Variants in CREB5 observed in about 807,000 individuals in gnomAD.
CREB5 encodes cAMP responsive element binding protein 5.
CREB5 carries 19 observed loss-of-function variants against 57.1 expected under a neutral mutation model. That is an observed-to-expected ratio of 0.33 (90% CI 0.23 to 0.49). The LOEUF is 0.49. CREB5 is among the 20% of genes least tolerant of loss of function. The probability of loss-of-function intolerance (pLI) is 0.99; values close to 1 mark genes in which losing one functional copy is unlikely to be tolerated. For missense variants in CREB5, 579 were observed against 671.6 expected (o/e 0.86, Z 1.52); for synonymous variants, 238 against 238.3 (o/e 1.00, Z 0.01).
At chr7:28,757,758 G>A (rs1339601480) in intron 7 of CREB5, among the ~76,000 whole-genome samples, 1 of 151,988 alleles carries the variant, frequency 6.6e-6, no homozygotes, top group African/African-American at 2.4e-5. Flanking sequence ...CCTAAATGCT[G>A]GGGACCAGAA....
At position 28,412,682 on chromosome 7, in the gene CREB5, CAG is replaced by C. The variant is rs995851184; in HGVS notation, c.-230_-229del. 1.8e-5 allele frequency: 7 copies of C among 384,722 alleles called. No homozygotes were observed. In the Admixed American group the frequency reaches 3.1e-4, roughly 17 times the overall value. The allele number at this position is 384,722 out of a possible 1,614,324, so 23.8% of individuals were successfully genotyped here. On this transcript the variant is annotated 5_prime_UTR_variant, in exon 1 of 11. An upstream open reading frame in the 5' UTR loses its in-frame stop. Transcript: ENST00000357727. The stretch of plus-strand genomic sequence containing the variant: ...GAAACTTAGAGAACGAGGGAGGTAC[CAG>C]AGTCTAGGAGGTACCTCTGGGTTGC...
At chr7:28,481,384 C>T (rs552281745) in intron 1 of CREB5, among the ~76,000 whole-genome samples, 4 of 152,224 alleles carry the variant, frequency 2.6e-5, no homozygotes, top group South Asian at 4.1e-4. Flanking sequence ...AATATTTAAC[C>T]GCAGTGTTAT....
intron 1 of CREB5, among the ~76,000 whole-genome samples, chr7:28,364,429 G>T (rs565228448): frequency 6.6e-6 from 1 of 152,236 alleles, no homozygotes; most frequent in Admixed American, 6.5e-5. Context: ...AAACAAAAAC[G>T]TTGAGTGTCA....
At chr7:28,561,007 T>TGTGTGCATGC (rs1562798492) in intron 4 of CREB5, among the ~76,000 whole-genome samples, 1 of 44,068 alleles carries the variant, frequency 2.3e-5, no homozygotes, top group African/African-American at 1.1e-4. Context: ...TGCGTGTGCG[T>TGTGTGCATGC]GTGTGTGTGC....
chr7:28,330,516 CAG>C (rs1396616289), intron 1 of CREB5, among the ~76,000 whole-genome samples: 1 of 145,276 alleles, frequency 6.9e-6, no homozygotes, highest in African/African-American at 2.6e-5. Flanking sequence ...TTATTAATGA[CAG>C]ATTGAAAGTA....
rs542628031 is a variant in CREB5 at position 28,658,959 on chromosome 7, A to G, written c.465-59794A>G. Among the ~76,000 whole-genome samples the G allele has an allele frequency of 4.0e-4, 52 of 129,532 alleles. 2 individuals are homozygous for G. The highest frequency in any genetic ancestry group is 1.4e-3 in the African/African-American group (47 of 32,714). The allele number at this position is 129,532 out of a possible 152,430, so 85.0% of individuals were successfully genotyped here. A position where few individuals can be genotyped will look rare whatever the true frequency, so the allele number is the denominator to read the frequency against. On this transcript the variant is annotated intron_variant, in intron 5 of 10. Coordinates refer to ENST00000357727, the MANE Select transcript of CREB5 (RefSeq NM_182898.4). The stretch of plus-strand genomic sequence containing the variant: ...ATATTATATGTGTGTGTGTGTATAT[A>G]TATATATATATATATATATATGTAT...
At chr7:28,744,956 G>T (rs1475493246) in intron 7 of CREB5, among the ~76,000 whole-genome samples, 1 of 152,226 alleles carries the variant, frequency 6.6e-6, no homozygotes, top group Admixed American at 6.5e-5. Flanking sequence ...ATTGTAGCTT[G>T]CAGACTGGTT....
Position 28,739,516 on chromosome 7 carries a change from A to G in CREB5, c.702+15184A>G, listed in dbSNP as rs183946699. 2.8e-3 allele frequency among the ~76,000 whole-genome samples: 422 copies of G among 152,328 alleles called. 2 individuals are homozygous for G. The highest frequency in any genetic ancestry group is 9.9e-3 in the African/African-American group (410 of 41,566). ...AAACATATGTATTTATTCAAGAAGCATTTATTATTTGTGCTAACAAGCTGC... is the reference window on the plus strand; with the variant it reads ...AAACATATGTATTTATTCAAGAAGCGTTTATTATTTGTGCTAACAAGCTGC... On this transcript the variant is annotated intron_variant, in intron 7 of 10. Transcript: ENST00000357727.
chr7:28,627,414 T>C (rs943673186), intron 5 of CREB5, among the ~76,000 whole-genome samples: 1 of 152,198 alleles, frequency 6.6e-6, no homozygotes, highest in African/African-American at 2.4e-5. Context: ...TACCAGTACT[T>C]GGGCCCATCC....
chr7:28,801,945 CATG>C (rs1458414911), intron 7 of CREB5, among the ~76,000 whole-genome samples: 1 of 151,544 alleles, frequency 6.6e-6, no homozygotes, highest in Non-Finnish European at 1.5e-5. Context: ...ATTAGCTGGG[CATG>C]GTGGCACACG....
intron 1 of CREB5, among the ~76,000 whole-genome samples, chr7:28,464,754 T>A (rs1399401258): frequency 6.6e-6 from 1 of 151,982 alleles, no homozygotes; most frequent in Non-Finnish European, 1.5e-5. Context: ...AATACTACCA[T>A]GAGGGCTCCT....
At chr7:28,348,525 A>G (rs1329415130) in intron 1 of CREB5, among the ~76,000 whole-genome samples, 2 of 152,070 alleles carry the variant, frequency 1.3e-5, no homozygotes, top group Admixed American at 6.6e-5. Flanking sequence ...TAGGGACTCA[A>G]TGCTTGGAAG....
chr7:28,718,862 T>C lies in CREB5; in HGVS notation c.574T>C (p.Ser192Pro). 5.0e-6 allele frequency: 8 copies of C among 1,614,110 alleles called. No individual in the cohort carries two copies. The highest frequency in any genetic ancestry group is 6.8e-6 in the Non-Finnish European group (8 of 1,179,960). The change falls in exon 6 of 11, where the codon TCC becomes CCC. Residue 192 changes from serine to proline, a missense_variant. Physicochemically the swap from Ser to Pro is moderately conservative, Grantham distance 74. Transcript: ENST00000357727. ...TLPNPTMPGS[S>P]AVLMPMERQM... is the part of the protein sequence containing the mutation. Reference sequence around the variant, plus strand: ...GCCCAACCCTACAATGCCAGGATCTTCCGCCGTCTTGATGCCAGTAAGTGT... The same window carrying C: ...GCCCAACCCTACAATGCCAGGATCTCCCGCCGTCTTGATGCCAGTAAGTGT...
At chr7:28,638,732 T>C (rs935888889) in intron 5 of CREB5, among the ~76,000 whole-genome samples, 7 of 152,184 alleles carry the variant, frequency 4.6e-5, no homozygotes, top group Admixed American at 1.3e-4. Context: ...AATAATACAC[T>C]CCACATAATG....
At chr7:28,642,979 C>CACACACAT (rs1372474796) in intron 5 of CREB5, among the ~76,000 whole-genome samples, 1,862 of 100,856 alleles carry the variant, frequency 0.018, 29 homozygotes, top group South Asian at 0.034. Flanking sequence ...CACACACACA[C>CACACACAT]ACACACATAC....
chr7:28,448,525 T>A (rs953388254), intron 1 of CREB5, among the ~76,000 whole-genome samples: 4 of 152,196 alleles, frequency 2.6e-5, no homozygotes, highest in Non-Finnish European at 2.9e-5. Context: ...TTAGTGTTAG[T>A]GACATGGAGC....
chr7:28,369,079 A>T (rs1786647675), intron 1 of CREB5, among the ~76,000 whole-genome samples: 1 of 152,182 alleles, frequency 6.6e-6, no homozygotes, highest in African/African-American at 2.4e-5. Context: ...CAAACAAAAT[A>T]AATTGATTAT....
intron 7 of CREB5, among the ~76,000 whole-genome samples, chr7:28,731,764 G>T (rs1423422676): frequency 6.6e-6 from 1 of 152,174 alleles, no homozygotes; most frequent in East Asian, 1.9e-4. Flanking sequence ...AAGTACACAG[G>T]GGTGAAAGAG....
chr7:28,300,402 C>T (rs1262468046), intron 1 of CREB5, among the ~76,000 whole-genome samples: 1 of 152,168 alleles, frequency 6.6e-6, no homozygotes, highest in Non-Finnish European at 1.5e-5. Context: ...GTCCTTTTCT[C>T]AACAGAGCGT....
Sources: allele counts gnomAD v4.1 joint callset (sites outside exome capture counted in the v4.1 genomes callset), GRCh38; gene constraint gnomAD v4.1.1; transcripts MANE v1.5; gene names NCBI Gene and HGNC (gene_info 2026-07-23, HGNC 2026-07-21).